SLC1A2: variants seen among roughly 807,000 people sequenced by gnomAD.
SLC1A2 encodes the protein excitatory amino acid transporter 2.
A neutral mutation model predicts 48.8 loss-of-function variants in SLC1A2; 15 were observed. That is an observed-to-expected ratio of 0.31 (90% CI 0.21 to 0.47). The LOEUF (loss-of-function observed/expected upper bound fraction) is 0.47. SLC1A2 is among the 20% of genes least tolerant of loss of function. The pLI, the probability that SLC1A2 is intolerant of heterozygous loss-of-function variation, is 0.99. For missense variants in SLC1A2, 502 were observed against 730.5 expected (o/e 0.69, Z 3.61); for synonymous variants, 279 against 272.6 (o/e 1.02, Z -0.23).
In SLC1A2 at chr11:35,355,515, G is replaced by A. The variant is rs140187548; in HGVS notation, c.18-37999C>T. Among the ~76,000 whole-genome samples, 328 of 152,260 alleles carry A rather than the reference G, an allele frequency of 2.2e-3. 1 individual carries two copies. Among genetic ancestry groups the A allele is most frequent in the African/African-American group, 6.3e-3 (263 of 41,554 alleles). ...CCTGCTGACTGCCTTGTTTTGCTGCGTGTCTGCACAAAACAGCAGGAAGTG... is the reference window on the plus strand; with the variant it reads ...CCTGCTGACTGCCTTGTTTTGCTGCATGTCTGCACAAAACAGCAGGAAGTG... On this transcript the variant is annotated intron_variant, in intron 1 of 10. Coordinates refer to ENST00000278379, the MANE Select transcript of SLC1A2 (RefSeq NM_004171.4).
chr11:35,315,821 A>AAAGT (rs1375589828), intron 2 of SLC1A2: 1 of 151,272 alleles, frequency 6.6e-6, no homozygotes, highest in Non-Finnish European at 1.5e-5. Context: ...AGAAAGAAAG[A>AAAGT]AAGAAAGAAA....
chr11:35,376,089 T>C (rs1284330594), intron 1 of SLC1A2, among the ~76,000 whole-genome samples: 4 of 152,072 alleles, frequency 2.6e-5, no homozygotes. Context: ...CTCCTATTTG[T>C]CACTGGATCC....
Position 35,287,436 on chromosome 11 carries a change from A to C in SLC1A2, c.1092-485T>G, listed in dbSNP as rs79982095. 4.6e-3 allele frequency among the ~76,000 whole-genome samples: 697 copies of C among 152,312 alleles called. 22 individuals are homozygous for C. In the East Asian group the frequency reaches 0.099, roughly 22 times the overall value. ...GAATGGATTGCATTTAGCCCTGGGA[A>C]ATTGTCCTGAGCTGGACTTGCTAAT... On this transcript the variant is annotated intron_variant, in intron 7 of 10. Coordinates refer to ENST00000278379, the MANE Select transcript of SLC1A2 (RefSeq NM_004171.4).
chr11:35,354,749 C>G lies in SLC1A2; in HGVS notation c.18-37233G>C, dbSNP rs188776270. The stretch of plus-strand genomic sequence containing the variant: ...TGGGCAATTCCTTACACTTTTTACC[C>G]CCAACCGCCCGCATCCCTGTCACCC... On this transcript the variant is annotated intron_variant, in intron 1 of 10. Coordinates refer to ENST00000278379, the MANE Select transcript of SLC1A2 (RefSeq NM_004171.4). Among the ~76,000 whole-genome samples the G allele has an allele frequency of 6.0e-4, 92 of 152,216 alleles. 1 individual carries two copies. In the East Asian group the frequency reaches 0.014, roughly 23 times the overall value.
At chr11:35,317,242 G>T in intron 2 of SLC1A2, 135 bp downstream of exon 2, 1 of 798,850 alleles carries the variant, frequency 1.3e-6, no homozygotes, top group Non-Finnish European at 2.0e-6. Context: ...ACTGAAGCCT[G>T]GGCAGACAGG....
At chr11:35,386,123 G>A (rs773766560) in intron 1 of SLC1A2, among the ~76,000 whole-genome samples, 5 of 152,014 alleles carry the variant, frequency 3.3e-5, no homozygotes, top group East Asian at 3.9e-4. Context: ...CCGAGATGGC[G>A]CCACTGCACT....
intron 1 of SLC1A2, among the ~76,000 whole-genome samples, chr11:35,379,125 A>G (rs1247139431): frequency 1.3e-5 from 2 of 152,136 alleles, no homozygotes; most frequent in Non-Finnish European, 2.9e-5. Flanking sequence ...GCTACTCAGG[A>G]GGCTAAGGCA....
chr11:35,418,032 G>A lies in SLC1A2; in HGVS notation c.17+918C>T, dbSNP rs74485584. ...ACTGCAATTTTGGGAATTAACCAAAGGGCTGAGCTGCCCAGTCTTTTCATT... is the reference window on the plus strand; with the variant it reads ...ACTGCAATTTTGGGAATTAACCAAAAGGCTGAGCTGCCCAGTCTTTTCATT... On this transcript the variant is annotated intron_variant, in intron 1 of 10. Transcript: ENST00000278379. Among the ~76,000 whole-genome samples the A allele has an allele frequency of 1.0e-3, 157 of 152,292 alleles. 4 individuals carry two copies. The East Asian group carries it at 0.027, about 27-fold the overall frequency.
At chr11:35,266,201 TCTTA>T (rs895662234) in intron 9 of SLC1A2, among the ~76,000 whole-genome samples, 4 of 152,346 alleles carry the variant, frequency 2.6e-5, no homozygotes, top group African/African-American at 4.8e-5. Flanking sequence ...TCTCTGCTTA[TCTTA>T]CTTATTTGTT....
Position 35,270,237 on chromosome 11 carries a change from G to A in SLC1A2, c.1422-4479C>T, listed in dbSNP as rs545062985. 2.0e-5 allele frequency among the ~76,000 whole-genome samples: 3 copies of A among 152,276 alleles called. No individual in the cohort carries two copies. In the South Asian group the frequency reaches 6.2e-4, roughly 32 times the overall value. On this transcript the variant is annotated intron_variant, in intron 9 of 10. Coordinates refer to ENST00000278379, the MANE Select transcript of SLC1A2 (RefSeq NM_004171.4). ...CCTTGGGTGAGAACACTAACCCAGGGCTTCTGATTCCCATTTGAGCAAATA... is the reference window on the plus strand; with the variant it reads ...CCTTGGGTGAGAACACTAACCCAGGACTTCTGATTCCCATTTGAGCAAATA...
chr11:35,273,551 T>C (rs893529452), intron 9 of SLC1A2, among the ~76,000 whole-genome samples: 1 of 152,242 alleles, frequency 6.6e-6, no homozygotes, highest in Non-Finnish European at 1.5e-5. Flanking sequence ...AAGGCTTATA[T>C]GACCCAGAAG....
rs1286374988 is a variant in SLC1A2, at chr11:35,391,412, G to A, written c.17+27538C>T. 2.6e-5 allele frequency: 4 copies of A among 152,240 alleles called. No individual in the cohort carries two copies. In the East Asian group the frequency reaches 5.8e-4, roughly 22 times the overall value. The allele number at this position is 152,240 out of a possible 1,614,324, so 9.4% of individuals were successfully genotyped here. A position where few individuals can be genotyped will look rare whatever the true frequency, so the allele number is the denominator to read the frequency against. ...CTCTGGGCGATTAAGTAATTTGCCTGAGGCCACCCACCTGGGCAAGAAGTC... is the reference window on the plus strand; with the variant it reads ...CTCTGGGCGATTAAGTAATTTGCCTAAGGCCACCCACCTGGGCAAGAAGTC... On this transcript the variant is annotated intron_variant, in intron 1 of 10. Transcript: ENST00000278379.
intron 1 of SLC1A2, among the ~76,000 whole-genome samples, chr11:35,379,845 C>A (rs1299177267): frequency 3.3e-5 from 5 of 152,164 alleles, no homozygotes; most frequent in African/African-American, 1.2e-4. Flanking sequence ...ATCCCAACAG[C>A]CAAAACAAAT....
chr11:35,419,264 G>A lies in SLC1A2; in HGVS notation c.-298C>T, dbSNP rs1855708669. On this transcript the variant is annotated 5_prime_UTR_variant, in exon 1 of 11. Transcript: ENST00000278379. The surrounding 1 kb of genome is among the most constrained non-coding windows in gnomAD (Gnocchi z 5.4). ...CTCCGAGGGTGGCTTCCCCGAGAGAGCGATGCGCCCAGGGCTGCAGGAGGG... is the reference window on the plus strand; with the variant it reads ...CTCCGAGGGTGGCTTCCCCGAGAGAACGATGCGCCCAGGGCTGCAGGAGGG... 1 of 375,846 alleles carries A rather than the reference G, an allele frequency of 2.7e-6. No homozygotes were observed. Among genetic ancestry groups the A allele is most frequent in the African/African-American group, 2.1e-5 (1 of 47,172 alleles). 23.3% of individuals were successfully genotyped at this position (375,846 alleles called of 1,614,324 possible). A position where few individuals can be genotyped will look rare whatever the true frequency, so the allele number is the denominator to read the frequency against.
At chr11:35,309,357 C>T (rs1851615413) in intron 4 of SLC1A2, among the ~76,000 whole-genome samples, 6 of 152,188 alleles carry the variant, frequency 3.9e-5, no homozygotes, top group Admixed American at 3.3e-4. Context: ...CAAGTATTGG[C>T]CGAGTGAACA....
At chr11:35,379,473 C>T (rs1462816655) in intron 1 of SLC1A2, among the ~76,000 whole-genome samples, 1 of 152,214 alleles carries the variant, frequency 6.6e-6, no homozygotes, top group South Asian at 2.1e-4. Context: ...CCACAAAGAA[C>T]ATGGCACCTG....
chr11:35,415,962 G>A (rs1193855399), intron 1 of SLC1A2, among the ~76,000 whole-genome samples: 2 of 152,148 alleles, frequency 1.3e-5, no homozygotes, highest in African/African-American at 2.4e-5. Flanking sequence ...TCCAATTTGG[G>A]TCAGGGACCT....
intron 1 of SLC1A2, chr11:35,370,877 G>C (rs1248205361): frequency 1.2e-6 from 1 of 825,340 alleles, no homozygotes. Flanking sequence ...CATGCTGAGT[G>C]GCCCAGGAAA....
Position 35,252,856 on chromosome 11 carries a change from C to A in SLC1A2, c.*8038G>T, listed in dbSNP as rs911652993. The A allele has an allele frequency of 3.3e-5, 5 of 152,652 alleles. No homozygotes were observed. Among genetic ancestry groups the A allele is most frequent in the Non-Finnish European group, 7.3e-5 (5 of 68,046 alleles). The allele number at this position is 152,652 out of a possible 1,614,324, so 9.5% of individuals were successfully genotyped here. On this transcript the variant is annotated 3_prime_UTR_variant, in exon 11 of 11. Transcript: ENST00000278379. The stretch of plus-strand genomic sequence containing the variant: ...AAGTGCATAGGCACTGTTCTTCATG[C>A]GTGAACCAAGTGTCAGTGTGTATAC...
Sources: allele counts gnomAD v4.1 joint callset (sites outside exome capture counted in the v4.1 genomes callset), GRCh38; gene constraint gnomAD v4.1.1; non-coding constraint Gnocchi (gnomAD v3.1); transcripts MANE v1.5; gene names NCBI Gene and HGNC (gene_info 2026-07-23, HGNC 2026-07-21).